Variants in EPHB2 observed in about 807,000 individuals in gnomAD.
The protein encoded by EPHB2 is ephrin type-B receptor 2.
Under a neutral mutation model 96.4 loss-of-function variants are expected in EPHB2, and 18 were observed. The ratio of observed to expected loss-of-function variants is 0.19; its 90% CI spans 0.13 to 0.28. The LOEUF is 0.28. Among genes scored for constraint, EPHB2 ranks in the 10% least tolerant of loss-of-function variants. The pLI is 1.00. For missense variants in EPHB2, 989 were observed against 1,355.4 expected (o/e 0.73, Z 4.25); for synonymous variants, 506 against 534.1 (o/e 0.95, Z 0.72).
chr1:22,856,973 A>G (rs1343793199), intron 3 of EPHB2, among the ~76,000 whole-genome samples: 1 of 152,222 alleles, frequency 6.6e-6, no homozygotes, highest in Non-Finnish European at 1.5e-5. Context: ...TTCATTCAGC[A>G]AAACTAAATT....
chr1:22,759,392 A>G (rs563023452), intron 1 of EPHB2, among the ~76,000 whole-genome samples: 1 of 151,540 alleles, frequency 6.6e-6, no homozygotes, highest in Admixed American at 6.6e-5. Flanking sequence ...GTTACTCTTT[A>G]TTGCACTTAA....
intron 3 of EPHB2, among the ~76,000 whole-genome samples, chr1:22,809,251 G>T (rs987561992): frequency 6.6e-6 from 1 of 152,278 alleles, no homozygotes; most frequent in East Asian, 1.9e-4. Context: ...GAAAATTAAC[G>T]AGCTGCTCCC....
intron 1 of EPHB2, among the ~76,000 whole-genome samples, chr1:22,732,472 A>G (rs778548133): frequency 1.7e-4 from 26 of 152,364 alleles, no homozygotes; most frequent in Admixed American, 5.9e-4. Flanking sequence ...TATTTTTAAA[A>G]TGCCTTGTTG....
chr1:22,913,284 T>A lies in EPHB2; in HGVS notation c.2853-178T>A. On this transcript the variant is annotated intron_variant, in intron 15 of 15. Coordinates refer to ENST00000374630, the MANE Select transcript of EPHB2 (RefSeq NM_017449.5). The surrounding 1 kb of genome is among the most constrained non-coding windows in gnomAD (Gnocchi z 4.1). ...ACCCTGATTCCGACTCAAGTGCTCT[T>A]CCACCTCACACCATAGTCGCTCCCT... 1.3e-6 allele frequency: 1 copy of A among 754,458 alleles called. No homozygotes were observed. Among genetic ancestry groups the A allele is most frequent in the Non-Finnish European group, 2.2e-6 (1 of 448,098 alleles). 46.7% of individuals were successfully genotyped at this position (754,458 alleles called of 1,614,324 possible).
At chr1:22,762,993 A>C (rs892909218) in intron 1 of EPHB2, among the ~76,000 whole-genome samples, 1 of 152,054 alleles carries the variant, frequency 6.6e-6, no homozygotes, top group Admixed American at 6.5e-5. Flanking sequence ...ACCCTCAGTG[A>C]GGCAGACAAG....
chr1:22,882,874 A>T, intron 6 of EPHB2: 1 of 318,332 alleles, frequency 3.1e-6, no homozygotes, highest in Non-Finnish European at 6.1e-6. Flanking sequence ...TTCGACAGAG[A>T]TTTGAAACAG....
At chr1:22,743,834 G>A (rs986309369) in intron 1 of EPHB2, among the ~76,000 whole-genome samples, 7 of 152,192 alleles carry the variant, frequency 4.6e-5, no homozygotes, top group Non-Finnish European at 7.3e-5. Context: ...CACATAGTAG[G>A]CCTCCTCGGC....
At chr1:22,850,842 C>T (rs755260516) in intron 3 of EPHB2, among the ~76,000 whole-genome samples, 1 of 152,178 alleles carries the variant, frequency 6.6e-6, no homozygotes, top group Non-Finnish European at 1.5e-5. Context: ...TGCACAGGCC[C>T]TGAGGCTAGC....
intron 1 of EPHB2, among the ~76,000 whole-genome samples, chr1:22,746,690 C>T (rs1643979749): frequency 6.6e-6 from 1 of 152,232 alleles, no homozygotes; most frequent in Admixed American, 6.5e-5. Flanking sequence ...ATCTCTAAAT[C>T]CTGACCTCCT....
intron 5 of EPHB2, among the ~76,000 whole-genome samples, chr1:22,878,077 C>G (rs2148544617): frequency 6.6e-6 from 1 of 152,368 alleles, no homozygotes; most frequent in East Asian, 1.9e-4. Context: ...ACAGCCTCTG[C>G]TGAAATCCCA....
intron 1 of EPHB2, among the ~76,000 whole-genome samples, chr1:22,765,573 C>A (rs3122405): frequency 0.029 from 4,153 of 144,162 alleles, 121 homozygotes; most frequent in African/African-American, 0.07. Flanking sequence ...ACATTGAGTT[C>A]ATCCCGTGAG....
intron 3 of EPHB2, among the ~76,000 whole-genome samples, chr1:22,812,675 G>A (rs2582026): frequency 0.41 from 62,389 of 152,048 alleles, 14,199 homozygotes; most frequent in East Asian, 0.74. Context: ...TCTGAGCCTC[G>A]GCGTCCTCAT....
intron 3 of EPHB2, among the ~76,000 whole-genome samples, chr1:22,803,653 ATATATG>A (rs10583420): frequency 1.8e-3 from 22 of 12,470 alleles, no homozygotes; most frequent in Non-Finnish European, 3.5e-3. Context: ...GTGTATATAT[ATATATG>A]TGTATATATA....
chr1:22,737,027 T>A (rs182356321), intron 1 of EPHB2, among the ~76,000 whole-genome samples: 125 of 152,258 alleles, frequency 8.2e-4, no homozygotes, highest in African/African-American at 2.9e-3. Flanking sequence ...GCCATCGGCG[T>A]GACGAGGAAT....
intron 9 of EPHB2, among the ~76,000 whole-genome samples, chr1:22,905,590 C>T (rs1232766829): frequency 6.6e-6 from 1 of 152,212 alleles, no homozygotes; most frequent in East Asian, 1.9e-4. Flanking sequence ...TCGCTCCCTT[C>T]CTTTTTGCCC....
chr1:22,743,496 G>A (rs1429902977), intron 1 of EPHB2, among the ~76,000 whole-genome samples: 2 of 151,594 alleles, frequency 1.3e-5, no homozygotes, highest in African/African-American at 2.4e-5. Context: ...TTTGAGACAG[G>A]GTCTCACTCT....
Position 22,754,134 on chromosome 1 carries a change from C to G in EPHB2, c.62-27287C>G, listed in dbSNP as rs576440809. 2.0e-5 allele frequency among the ~76,000 whole-genome samples: 3 copies of G among 152,266 alleles called. No individual in the cohort carries two copies. In the East Asian group the frequency reaches 5.8e-4, roughly 29 times the overall value. Reference sequence around the variant, plus strand: ...AGAGACACTGGACCCTCTGTGGCCACCCCAGGAGTGAGACAGGCAGCCAGG... The same window carrying G: ...AGAGACACTGGACCCTCTGTGGCCAGCCCAGGAGTGAGACAGGCAGCCAGG... On this transcript the variant is annotated intron_variant, in intron 1 of 15. Transcript: ENST00000374630.
intron 3 of EPHB2, among the ~76,000 whole-genome samples, chr1:22,854,927 C>T (rs1645677277): frequency 6.6e-6 from 1 of 152,148 alleles, no homozygotes; most frequent in East Asian, 1.9e-4. Flanking sequence ...CCCCAAAACC[C>T]CACCCACTCA....
chr1:22,821,385 T>A (rs1645150141), intron 3 of EPHB2, among the ~76,000 whole-genome samples: 1 of 152,202 alleles, frequency 6.6e-6, no homozygotes, highest in African/African-American at 2.4e-5. Flanking sequence ...CATCAGTGAC[T>A]TCCATCAGCA....
Sources: gnomAD v4.1 joint callset for allele counts (sites outside exome capture counted in the v4.1 genomes callset) on GRCh38, gnomAD v4.1.1 for gene constraint, Gnocchi (gnomAD v3.1) non-coding constraint, MANE v1.5 for transcripts, NCBI Gene and HGNC (gene_info 2026-07-23, HGNC 2026-07-21) for gene names.